FARS2: variants seen among roughly 807,000 people sequenced by gnomAD.
FARS2 encodes the protein phenylalanyl-tRNA synthetase 2, mitochondrial.
FARS2 carries 40 observed loss-of-function variants against 46.4 expected under a neutral mutation model. The ratio of observed to expected loss-of-function variants is 0.86; its 90% CI spans 0.67 to 1.12. The LOEUF (loss-of-function observed/expected upper bound fraction) is 1.12. FARS2 is among the 50% of genes most tolerant of loss of function. The pLI is 0.00. For synonymous variants in FARS2, 234 were observed against 214.9 expected (o/e 1.09, Z -0.78); for missense variants, 513 against 567.9 (o/e 0.90, Z 0.98).
rs932787035 is a variant in FARS2 at position 5,534,207 on chromosome 6, G to A, written c.905-10973G>A. On this transcript the variant is annotated intron_variant, in intron 4 of 6. Transcript: ENST00000274680. ...TGTTGTTTTCCTTTCAGAAAGTGAC[G>A]AACACATGAAAACTTTCTTCAAAAT... 2.6e-5 allele frequency among the ~76,000 whole-genome samples: 4 copies of A among 152,036 alleles called. 1 individual carries two copies. Among genetic ancestry groups the A allele is most frequent in the African/African-American group, 7.2e-5 (3 of 41,412 alleles).
intron 4 of FARS2, among the ~76,000 whole-genome samples, chr6:5,519,554 G>A (rs895238902): frequency 6.6e-6 from 1 of 152,054 alleles, no homozygotes; most frequent in Non-Finnish European, 1.5e-5. Flanking sequence ...GCTGAGTGAG[G>A]ATTGAGTTAG....
At chr6:5,761,828 A>G (rs949398127) in intron 6 of FARS2, among the ~76,000 whole-genome samples, 9 of 149,448 alleles carry the variant, frequency 6.0e-5, no homozygotes, top group Non-Finnish European at 1.3e-4. Flanking sequence ...AAAAAAAAAA[A>G]GAGGCATTTG....
At chr6:5,716,476 A>C (rs1225777395) in intron 6 of FARS2, among the ~76,000 whole-genome samples, 1 of 152,192 alleles carries the variant, frequency 6.6e-6, no homozygotes, top group Non-Finnish European at 1.5e-5. Context: ...ATCAACACAG[A>C]GGACTTCTGT....
the FARS2 span, among the ~76,000 whole-genome samples, chr6:5,256,015 A>G: frequency 4.0e-5 from 6 of 151,848 alleles, no homozygotes; most frequent in African/African-American, 1.2e-4. Flanking sequence ...GTATTAACTC[A>G]CCACAGTGGT....
chr6:5,470,430 C>T (rs991166449), intron 4 of FARS2, among the ~76,000 whole-genome samples: 1 of 152,104 alleles, frequency 6.6e-6, no homozygotes, highest in Non-Finnish European at 1.5e-5. Context: ...GAACCAGTCC[C>T]CTGCAGATAT....
At chr6:5,452,710 T>A (rs1194141607) in intron 4 of FARS2, 1 of 152,078 alleles carries the variant, frequency 6.6e-6, no homozygotes, top group Non-Finnish European at 1.5e-5. Context: ...GAAGATAGAT[T>A]GGATGGAGCA....
At chr6:5,341,915 T>C (rs1468826958) in intron 1 of FARS2, among the ~76,000 whole-genome samples, 1 of 152,162 alleles carries the variant, frequency 6.6e-6, no homozygotes, top group African/African-American at 2.4e-5. Flanking sequence ...TTACCTGAGC[T>C]GAAAAAAATG....
At chr6:5,268,012 T>C (rs2127815374) in intron 1 of FARS2, among the ~76,000 whole-genome samples, 1 of 152,204 alleles carries the variant, frequency 6.6e-6, no homozygotes, top group East Asian at 1.9e-4. Flanking sequence ...TTTTGAGAAG[T>C]GTCTGTTCAT....
chr6:5,500,370 G>A (rs1410116589), intron 4 of FARS2, among the ~76,000 whole-genome samples: 3 of 152,228 alleles, frequency 2.0e-5, no homozygotes, highest in Admixed American at 6.5e-5. Context: ...GCAAAGAGCT[G>A]CCCATATGGT....
chr6:5,771,400 C>T lies in FARS2; in HGVS notation c.1327C>T (p.Gln443Ter), dbSNP rs2150990745. 1 of 1,614,174 alleles carries T rather than the reference C, an allele frequency of 6.2e-7. No homozygotes were observed. Among genetic ancestry groups the T allele is most frequent in the East Asian group, 2.2e-5 (1 of 44,886 alleles). The change falls in exon 7 of 7, where the codon CAG becomes TAG. Residue 443 changes from glutamine (Q) to a stop codon, truncating the protein, a stop_gained. Coordinates refer to ENST00000274680, the MANE Select transcript of FARS2 (RefSeq NM_006567.5). LOFTEE classifies it high-confidence loss of function. Reference protein sequence around the residue: ...IHQALQEAAVQLLGVEGRF With the variant: ...IHQALQEAAV ...CCAGGCCTTGCAGGAGGCTGCAGTCCAGCTGTTGGGTGTGGAGGGCAGGTT... is the reference window on the plus strand; with the variant it reads ...CCAGGCCTTGCAGGAGGCTGCAGTCTAGCTGTTGGGTGTGGAGGGCAGGTT...
rs140501128 is a variant in FARS2 at position 5,739,119 on chromosome 6, C to T, written c.1218-32172C>T. ...AGAATATTATGTACACGGAGTCACACTGAATGTGACCTTTTGAGATGGGCC... is the reference window on the plus strand; with the variant it reads ...AGAATATTATGTACACGGAGTCACATTGAATGTGACCTTTTGAGATGGGCC... On this transcript the variant is annotated intron_variant, in intron 6 of 6. Transcript: ENST00000274680. Among the ~76,000 whole-genome samples the T allele has an allele frequency of 3.6e-3, 554 of 152,256 alleles. 5 individuals carry two copies. The highest frequency in any genetic ancestry group is 4.0e-3 in the Non-Finnish European group (274 of 68,030).
intron 1 of FARS2, among the ~76,000 whole-genome samples, chr6:5,298,890 A>G (rs1768086478): frequency 6.6e-6 from 1 of 152,102 alleles, no homozygotes; most frequent in East Asian, 1.9e-4. Context: ...AAAAGATACA[A>G]AAATGTCTTG....
At chr6:5,375,095 A>G (rs1230020412) in intron 2 of FARS2, among the ~76,000 whole-genome samples, 1 of 151,428 alleles carries the variant, frequency 6.6e-6, no homozygotes, top group African/African-American at 2.4e-5. Context: ...TAAGCCAGAA[A>G]GAGAAATAGA....
chr6:5,596,421 A>G (rs1774200858), intron 5 of FARS2, among the ~76,000 whole-genome samples: 2 of 152,224 alleles, frequency 1.3e-5, no homozygotes, highest in South Asian at 4.1e-4. Flanking sequence ...CCTTTTTGTC[A>G]TATGTAGGTA....
chr6:5,253,695 A>G, the FARS2 span, among the ~76,000 whole-genome samples: 1 of 152,142 alleles, frequency 6.6e-6, no homozygotes, highest in Non-Finnish European at 1.5e-5. Flanking sequence ...CGACCAATTG[A>G]GAGCAATCAT....
At chr6:5,333,485 A>G (rs1770939438) in intron 1 of FARS2, among the ~76,000 whole-genome samples, 1 of 152,216 alleles carries the variant, frequency 6.6e-6, no homozygotes, top group Non-Finnish European at 1.5e-5. Flanking sequence ...ATTATAAAAC[A>G]TGAAGTGGGA....
chr6:5,610,790 T>C (rs1775135863), intron 5 of FARS2, among the ~76,000 whole-genome samples: 2 of 152,250 alleles, frequency 1.3e-5, no homozygotes, highest in Non-Finnish European at 2.9e-5. Context: ...TTGTGGGTTA[T>C]CAAGTGCCCA....
At chr6:5,529,068 G>A (rs893877634) in intron 4 of FARS2, among the ~76,000 whole-genome samples, 1 of 152,092 alleles carries the variant, frequency 6.6e-6, no homozygotes, top group Non-Finnish European at 1.5e-5. Context: ...TCTATTGCTT[G>A]CAGCCAAAAT....
chr6:5,403,775 C>A (rs1385494613), intron 2 of FARS2, among the ~76,000 whole-genome samples: 1 of 152,024 alleles, frequency 6.6e-6, no homozygotes, highest in Non-Finnish European at 1.5e-5. Flanking sequence ...GCTCAGTTAT[C>A]CCTTTTGAGC....
Sources: allele counts gnomAD v4.1 joint callset (sites outside exome capture counted in the v4.1 genomes callset), GRCh38; gene constraint gnomAD v4.1.1; transcripts MANE v1.5; gene names NCBI Gene and HGNC (gene_info 2026-07-23, HGNC 2026-07-21).